Variants in PAICS observed in about 807,000 individuals in gnomAD.
PAICS encodes the protein phosphoribosylaminoimidazole carboxylase and phosphoribosylaminoimidazolesuccinocarboxamide synthase.
PAICS carries 33 observed loss-of-function variants against 53.7 expected under a neutral mutation model. The ratio of observed to expected loss-of-function variants is 0.61; its 90% CI spans 0.47 to 0.82. The LOEUF is 0.82. Ranked by LOEUF, PAICS falls within the 40% of genes least tolerant of loss-of-function variation. The probability of loss-of-function intolerance (pLI) is 0.00; values close to 1 mark genes in which losing one functional copy is unlikely to be tolerated. For synonymous variants in PAICS, 141 were observed against 167.2 expected, an observed-to-expected ratio of 0.84 and a Z score of 1.21; for missense variants, 394 against 494.1, an observed-to-expected ratio of 0.80 and a Z score of 1.92.
At chr4:56,456,245 C>T (rs1434864883) in intron 8 of PAICS, among the ~76,000 whole-genome samples, 1 of 152,176 alleles carries the variant, frequency 6.6e-6, no homozygotes, top group Non-Finnish European at 1.5e-5. Context: ...GTATGCACCA[C>T]CACGCCTGGC....
rs1404738823 is a variant in PAICS at position 56,448,492 on chromosome 4, T to A, written c.468T>A (p.Leu156=). The change falls in exon 4 of 9, where the codon CTT becomes CTA. Residue 156 remains leucine, a synonymous_variant. Coordinates refer to ENST00000512576, the MANE Select transcript of PAICS (RefSeq NM_001079524.2). ...CAAAATTTTGCTTTGCTGGACTTCT[T>A]ATAGGCCAGACTGAAGTGGATATCA... The part of the protein sequence containing the change: ...IAAKFCFAGL[L]IGQTEVDIMS... The A allele has an allele frequency of 6.2e-7, 1 of 1,612,880 alleles. No homozygotes were observed. Among genetic ancestry groups the A allele is most frequent in the Non-Finnish European group, 8.5e-7 (1 of 1,179,070 alleles).
chr4:56,411,324 T>C, the PAICS span, among the ~76,000 whole-genome samples: 4 of 152,270 alleles, frequency 2.6e-5, no homozygotes, highest in African/African-American at 9.6e-5. Context: ...TTTATTTAAT[T>C]TGCGTTTTCC....
At chr4:56,455,221 G>C (rs551035734) in intron 8 of PAICS, among the ~76,000 whole-genome samples, 2 of 152,298 alleles carry the variant, frequency 1.3e-5, no homozygotes, top group South Asian at 4.1e-4. Context: ...ACTGGATCAC[G>C]TAACAGTGTT....
the PAICS span, among the ~76,000 whole-genome samples, chr4:56,418,122 C>T: frequency 1.4e-4 from 21 of 152,120 alleles, no homozygotes; most frequent in Admixed American, 1.2e-3. Context: ...CAGGCGTGAG[C>T]CACCGCACCT....
Position 56,453,748 on chromosome 4 carries a change from T to C in PAICS, c.1098T>C (p.Leu366=). 1 of 1,545,978 alleles carries C rather than the reference T, an allele frequency of 6.5e-7. No homozygotes were observed. The highest frequency in any genetic ancestry group is 8.8e-7 in the Non-Finnish European group (1 of 1,142,136). Residue 366 remains leucine (L), a synonymous_variant, in exon 8 of 9, where the codon CTT becomes CTC. Transcript: ENST00000512576. ...GAGTTCAGGATGTGTGGTCTTCTCT[T>C]CGACTACCCAGTGGTAAGATACATT... The part of the protein sequence containing the change: ...DWGVQDVWSS[L]RLPSGLGCST...
chr4:56,455,000 A>C (rs1308145669), intron 8 of PAICS, among the ~76,000 whole-genome samples: 1 of 152,152 alleles, frequency 6.6e-6, no homozygotes, highest in Admixed American at 6.5e-5. Context: ...TCTACTAAAA[A>C]TACAAAAATT....
Position 56,462,545 on chromosome 4 carries a change from A to G in PAICS, c.*3007A>G, listed in dbSNP as rs1345223016. 1 of 152,236 alleles carries G rather than the reference A, an allele frequency of 6.6e-6. No individual in the cohort carries two copies. The highest frequency in any genetic ancestry group is 2.4e-5 in the African/African-American group (1 of 41,466). The allele number at this position is 152,236 out of a possible 1,614,324, so 9.4% of individuals were successfully genotyped here. On this transcript the variant is annotated 3_prime_UTR_variant, in exon 9 of 9. Coordinates refer to ENST00000512576, the MANE Select transcript of PAICS (RefSeq NM_001079524.2). ...AACATGTCTAATTTTTTTGTGCCTC[A>G]ATTTCATGAAATGAAAATGCGACTA...
intron 2 of PAICS, among the ~76,000 whole-genome samples, chr4:56,445,971 C>T (rs970104597): frequency 2.6e-5 from 4 of 152,078 alleles, no homozygotes; most frequent in Non-Finnish European, 5.9e-5. Flanking sequence ...CCTGCTATAC[C>T]TAATACTAGC....
chr4:56,454,040 C>A (rs553602007), intron 8 of PAICS, among the ~76,000 whole-genome samples: 1 of 152,274 alleles, frequency 6.6e-6, no homozygotes, highest in East Asian at 1.9e-4. Flanking sequence ...CTATCTGATG[C>A]ATTAGAAACC....
At chr4:56,420,854 C>T in the PAICS span, 1 of 152,296 alleles carries the variant, frequency 6.6e-6, no homozygotes, top group Non-Finnish European at 1.5e-5. Flanking sequence ...CACACTAAGA[C>T]ATGATAGCAT....
chr4:56,445,408 G>A (rs1428850829), intron 2 of PAICS, among the ~76,000 whole-genome samples: 1 of 152,104 alleles, frequency 6.6e-6, no homozygotes, highest in Non-Finnish European at 1.5e-5. Flanking sequence ...CCAACATGAT[G>A]AAACCCTGTC....
At chr4:56,410,932 A>C in the PAICS span, 2 of 926,448 alleles carry the variant, frequency 2.2e-6, no homozygotes, top group Non-Finnish European at 2.6e-6. Context: ...AAAAAAAGAA[A>C]AGTACTCTTG....
At chr4:56,435,495 G>C, upstream of PAICS, 1 of 1,613,024 alleles carries the variant, frequency 6.2e-7, no homozygotes, top group Non-Finnish European at 8.5e-7. Context: ...CCGAAAGCAC[G>C]TGGAAGGACC....
At chr4:56,435,516 G>A (rs1018678364), upstream of PAICS, 1 of 1,612,310 alleles carries the variant, frequency 6.2e-7, no homozygotes, top group East Asian at 2.2e-5. Context: ...TGCCGCTGCG[G>A]CCAAGGTGTA....
intron 2 of PAICS, among the ~76,000 whole-genome samples, chr4:56,444,411 C>T (rs4383672): frequency 6.6e-6 from 1 of 151,962 alleles, no homozygotes; most frequent in East Asian, 1.9e-4. Context: ...AAGTGTAATA[C>T]TAGTATATGA....
intron 8 of PAICS, among the ~76,000 whole-genome samples, chr4:56,456,814 G>C (rs562810617): frequency 6.6e-6 from 1 of 151,144 alleles, no homozygotes; most frequent in East Asian, 2.0e-4. Flanking sequence ...ATTTCCAAAA[G>C]CTCTTTTTTG....
chr4:56,436,200 G>A (rs527707859), upstream of PAICS: 23 of 1,526,200 alleles, frequency 1.5e-5, no homozygotes, highest in East Asian at 1.5e-4. Context: ...AGTGGCGCAG[G>A]GTCGCGCGGC....
chr4:56,413,968 C>T, the PAICS span, among the ~76,000 whole-genome samples: 1 of 152,292 alleles, frequency 6.6e-6, no homozygotes, highest in South Asian at 2.1e-4. Flanking sequence ...TAATGATATA[C>T]AAATTGGTAA....
chr4:56,457,382 C>T (rs954732109), intron 8 of PAICS, among the ~76,000 whole-genome samples: 3 of 151,964 alleles, frequency 2.0e-5, no homozygotes, highest in East Asian at 1.9e-4. Context: ...CACTGCACTC[C>T]GGATGACAGA....
Sources: allele counts gnomAD v4.1 joint callset (sites outside exome capture counted in the v4.1 genomes callset), GRCh38; gene constraint gnomAD v4.1.1; transcripts MANE v1.5; gene names NCBI Gene and HGNC (gene_info 2026-07-23, HGNC 2026-07-21).